Variants in DHRSX observed in about 807,000 individuals in gnomAD.
The protein encoded by DHRSX is polyprenol dehydrogenase.
Under a neutral mutation model 34.0 loss-of-function variants are expected in DHRSX, and 31 were observed. That is an observed-to-expected ratio of 0.91 (90% confidence interval 0.69 to 1.23). The LOEUF (loss-of-function observed/expected upper bound fraction) is 1.23. DHRSX is among the 50% of genes most tolerant of loss of function. The probability of loss-of-function intolerance (pLI) is 0.00; values close to 1 mark genes in which losing one functional copy is unlikely to be tolerated. For synonymous variants in DHRSX, 201 were observed against 183.8 expected, an observed-to-expected ratio of 1.09 and a Z score of -0.76; for missense variants, 414 against 428.1, an observed-to-expected ratio of 0.97 and a Z score of 0.29.
intron 5 of DHRSX, 76 bp downstream of exon 5, chrX:2,266,664 C>T: frequency 1.4e-6 from 2 of 1,431,312 alleles, no homozygotes; most frequent in Non-Finnish European, 2.0e-6. Flanking sequence ...GAGCGCCACA[C>T]CGCACAGACA....
chrX:2,379,569 G>A (rs1041939890), intron 3 of DHRSX, among the ~76,000 whole-genome samples: 4 of 148,080 alleles, frequency 2.7e-5, no homozygotes, highest in African/African-American at 9.9e-5. Context: ...GGAAGAAAAT[G>A]AGCGACCTGT....
intron 4 of DHRSX, among the ~76,000 whole-genome samples, chrX:2,284,484 G>A (rs1031765446): frequency 5.3e-4 from 81 of 152,324 alleles, no homozygotes; most frequent in African/African-American, 1.7e-3. Context: ...TCTCTGGCCA[G>A]GGAAGAATCA....
intron 1 of DHRSX, among the ~76,000 whole-genome samples, chrX:2,432,107 T>G (rs1453619017): frequency 2.0e-5 from 3 of 151,984 alleles, no homozygotes; most frequent in Non-Finnish European, 4.4e-5. Flanking sequence ...GGCAGGAGGA[T>G]CGCTTGAACC....
chrX:2,239,137 C>T (rs2016082690), intron 6 of DHRSX, among the ~76,000 whole-genome samples: 1 of 151,978 alleles, frequency 6.6e-6, no homozygotes, highest in Admixed American at 6.6e-5. Flanking sequence ...GAGCAATGCC[C>T]CGTGGTTATT....
Position 2,219,789 on chromosome X carries a change from G to C in DHRSX, c.*1252C>G, listed in dbSNP as rs2015484700. ...ACACATAAGGAGTGCAGGCTCGTAG[G>C]GTATACACAGTACTTTCTCAAAAGC... On this transcript the variant is annotated 3_prime_UTR_variant, in exon 7 of 7. Coordinates refer to ENST00000334651, the MANE Select transcript of DHRSX (RefSeq NM_145177.3). 6.6e-6 allele frequency: 1 copy of C among 152,044 alleles called. No homozygotes were observed. Among genetic ancestry groups the C allele is most frequent in the Admixed American group, 6.6e-5 (1 of 15,254 alleles). The allele number at this position is 152,044 out of a possible 1,614,324, so 9.4% of individuals were successfully genotyped here. A position where few individuals can be genotyped will look rare whatever the true frequency, so the allele number is the denominator to read the frequency against.
At chrX:2,295,452 C>G (rs2041920826) in intron 3 of DHRSX, among the ~76,000 whole-genome samples, 1 of 152,152 alleles carries the variant, frequency 6.6e-6, no homozygotes, top group Admixed American at 6.6e-5. Flanking sequence ...GAAGGGATAG[C>G]TTTAGGACAA....
At chrX:2,470,969 A>G (rs1001497466) in intron 1 of DHRSX, among the ~76,000 whole-genome samples, 10 of 152,224 alleles carry the variant, frequency 6.6e-5, no homozygotes, top group African/African-American at 2.4e-4. Flanking sequence ...TAGCCTGATT[A>G]TTAATATGTT....
chrX:2,471,516 A>G (rs962200284), intron 1 of DHRSX, among the ~76,000 whole-genome samples: 2 of 151,770 alleles, frequency 1.3e-5, no homozygotes. Context: ...GTGAGCCGAG[A>G]TTGAGCCATT....
chrX:2,269,218 T>A (rs2041516195), intron 4 of DHRSX, among the ~76,000 whole-genome samples: 1 of 152,264 alleles, frequency 6.6e-6, no homozygotes, highest in Non-Finnish European at 1.5e-5. Context: ...TATTTTCCTA[T>A]GCATATGCAT....
intron 5 of DHRSX, among the ~76,000 whole-genome samples, chrX:2,260,268 G>T (rs2041345462): frequency 1.3e-5 from 2 of 150,450 alleles, no homozygotes; most frequent in Admixed American, 1.3e-4. Context: ...GGATCATGGG[G>T]CACCTAGATG....
At chrX:2,229,783 G>C (rs1348547027) in intron 6 of DHRSX, among the ~76,000 whole-genome samples, 1 of 152,040 alleles carries the variant, frequency 6.6e-6, no homozygotes, top group Non-Finnish European at 1.5e-5. Flanking sequence ...AGATGTGCGG[G>C]TATGGGCCTG....
chrX:2,304,285 G>GTGGATGGA (rs2042072169), intron 3 of DHRSX, among the ~76,000 whole-genome samples: 2 of 83,280 alleles, frequency 2.4e-5, no homozygotes, highest in South Asian at 8.9e-4. Context: ...GGATGGGTGG[G>GTGGATGGA]TGGGTGGGTG....
At chrX:2,326,672 C>G (rs1161871445) in intron 3 of DHRSX, among the ~76,000 whole-genome samples, 5 of 152,138 alleles carry the variant, frequency 3.3e-5, no homozygotes, top group Non-Finnish European at 7.4e-5. Flanking sequence ...AAAGTAACCA[C>G]TTTGCAATAT....
At chrX:2,410,576 ACT>A (rs1343618728) in intron 2 of DHRSX, among the ~76,000 whole-genome samples, 2 of 152,068 alleles carry the variant, frequency 1.3e-5, no homozygotes, top group African/African-American at 4.8e-5. Context: ...GAATTTACAC[ACT>A]CTAACACAAG....
chrX:2,237,924 G>A (rs1239504385), intron 6 of DHRSX, among the ~76,000 whole-genome samples: 1 of 152,116 alleles, frequency 6.6e-6, no homozygotes, highest in East Asian at 1.9e-4. Context: ...GAGTTTCACT[G>A]ATGAAGCTGC....
intron 4 of DHRSX, among the ~76,000 whole-genome samples, chrX:2,284,010 A>C (rs1388879992): frequency 8.6e-5 from 13 of 151,390 alleles, no homozygotes; most frequent in Non-Finnish European, 1.9e-4. Flanking sequence ...TCATTCATTC[A>C]TTCCTCTGAA....
At chrX:2,262,812 C>T (rs772215536) in intron 5 of DHRSX, among the ~76,000 whole-genome samples, 6 of 130,958 alleles carry the variant, frequency 4.6e-5, no homozygotes, top group African/African-American at 1.5e-4. Flanking sequence ...CCATCGAGGC[C>T]GACTCCCTCA....
At position 2,460,304 on chromosome X, in the gene DHRSX, A is replaced by C. The variant is rs762547668; in HGVS notation, c.110-35000T>G. ...CACCATGGCAGGGCTCATCCTCCTG[A>C]GTACATGCAAGGTGCACTGAGCCGG... On this transcript the variant is annotated intron_variant, in intron 1 of 6. Coordinates refer to ENST00000334651, the MANE Select transcript of DHRSX (RefSeq NM_145177.3). 2.2e-4 allele frequency among the ~76,000 whole-genome samples: 33 copies of C among 152,218 alleles called. No individual in the cohort carries two copies. In the South Asian group the frequency reaches 5.4e-3, roughly 25 times the overall value.
At chrX:2,343,332 C>T (rs2042663365) in intron 3 of DHRSX, among the ~76,000 whole-genome samples, 1 of 152,182 alleles carries the variant, frequency 6.6e-6, no homozygotes, top group Non-Finnish European at 1.5e-5. Flanking sequence ...ATGCTTCTTT[C>T]CTCTTTAATT....
Sources: allele counts gnomAD v4.1 joint callset (sites outside exome capture counted in the v4.1 genomes callset), GRCh38; gene constraint gnomAD v4.1.1; transcripts MANE v1.5; gene names NCBI Gene and HGNC (gene_info 2026-07-23, HGNC 2026-07-21).